RBM3: variants seen among roughly 807,000 people sequenced by gnomAD.
The protein encoded by RBM3 is RNA-binding protein 3.
RBM3 carries 3 observed loss-of-function variants against 12.0 expected under a neutral mutation model. That is an observed-to-expected ratio of 0.25 (90% CI 0.11 to 0.65). The LOEUF (loss-of-function observed/expected upper bound fraction) is 0.65. Ranked by LOEUF, RBM3 falls within the 30% of genes least tolerant of loss-of-function variation. The probability of loss-of-function intolerance (pLI) is 0.84; values close to 1 mark genes in which losing one functional copy is unlikely to be tolerated. For synonymous variants in RBM3, 58 were observed against 45.7 expected (o/e 1.27, Z -1.08); for missense variants, 108 against 134.5 (o/e 0.80, Z 0.97).
rs782655999 is a variant in RBM3, at chrX:48,577,022, C to G, written c.414-4C>G. 123 of 1,205,630 alleles carry G rather than the reference C, an allele frequency of 1.0e-4. No homozygotes were observed. The highest frequency in any genetic ancestry group is 1.4e-4 in the Non-Finnish European group (122 of 893,918). Reference sequence around the variant, plus strand: ...AACTTTTGTGTGTTTTTTTTCCCCCCCAGAAACCAGGGTGGTTATGACCGC... The same window carrying G: ...AACTTTTGTGTGTTTTTTTTCCCCCGCAGAAACCAGGGTGGTTATGACCGC... On this transcript the variant is annotated splice_region_variant and splice_polypyrimidine_tract_variant and intron_variant, in intron 5 of 6. Coordinates refer to ENST00000376759, the MANE Select transcript of RBM3 (RefSeq NM_006743.5).
Position 48,578,066 on chromosome X carries a change from G to A in RBM3, c.*625G>A, listed in dbSNP as rs1363259762. 4.6e-5 allele frequency: 5 copies of A among 109,239 alleles called. No individual in the cohort carries two copies. The highest frequency in any genetic ancestry group is 2.9e-4 in the East Asian group (1 of 3,487). The allele number at this position is 109,239 out of a possible 1,213,427, so 9.0% of individuals were successfully genotyped here. On this transcript the variant is annotated 3_prime_UTR_variant, in exon 7 of 7. Coordinates refer to ENST00000376759, the MANE Select transcript of RBM3 (RefSeq NM_006743.5). ...ACTGTACTCCAGCCTGGGCAACAGC[G>A]AGACTCCATCTCAAAAAAAAAGGAA... is the stretch of plus-strand genomic sequence containing the variant.
intron 5 of RBM3, 101 bp downstream of exon 5, chrX:48,576,705 T>C: frequency 1.8e-6 from 2 of 1,085,447 alleles, no homozygotes; most frequent in South Asian, 4.6e-5. Context: ...GTTACTAATG[T>C]GTACCTAAAA....
rs1556990194 is a variant in RBM3, at chrX:48,580,293, C to A, written c.*2852C>A. ...CCTCCTATCCCACCTAGGCAGAAAT[C>A]ACTTCAGATCCTTGCTTCCTAGTTT... is the stretch of plus-strand genomic sequence containing the variant. On this transcript the variant is annotated 3_prime_UTR_variant, in exon 7 of 7. Coordinates refer to ENST00000376759, the MANE Select transcript of RBM3 (RefSeq NM_006743.5). Among the ~76,000 whole-genome samples, 3 of 112,016 alleles carry A rather than the reference C, an allele frequency of 2.7e-5. No homozygotes were observed. Among genetic ancestry groups the A allele is most frequent in the Non-Finnish European group, 3.8e-5 (2 of 53,203 alleles).
chrX:48,577,186 C>T (rs2062084817), intron 6 of RBM3, 77 bp downstream of exon 6: 2 of 1,191,670 alleles, frequency 1.7e-6, no homozygotes, highest in Non-Finnish European at 2.3e-6. Flanking sequence ...TCTGGCAAGA[C>T]TGCTCTGCAT....
At chrX:48,576,268 C>A in intron 3 of RBM3, 46 bp from the exon 4 acceptor site, 1 of 1,183,329 alleles carries the variant, frequency 8.5e-7, no homozygotes, top group East Asian at 3.1e-5. Context: ...CTCACCATTG[C>A]CCTGACTGAC....
At chrX:48,576,200 C>T in intron 3 of RBM3, 114 bp from the exon 4 acceptor site, 1 of 1,167,623 alleles carries the variant, frequency 8.6e-7, no homozygotes, top group East Asian at 3.3e-5. Flanking sequence ...CACCCAGAAC[C>T]TGGTGCCCAG....
chrX:48,580,582 CAG>C lies in RBM3; in HGVS notation c.*3142_*3143del, dbSNP rs1434661126. On this transcript the variant is annotated 3_prime_UTR_variant, in exon 7 of 7. Coordinates refer to ENST00000376759, the MANE Select transcript of RBM3 (RefSeq NM_006743.5). ...CGGCTAATTTTTGTATTAATAGAGA[CAG>C]GGTTTCACCGTGTTGGGCAGGCTGG... 2.7e-5 allele frequency among the ~76,000 whole-genome samples: 3 copies of C among 111,379 alleles called. No individual in the cohort carries two copies. The highest frequency in any genetic ancestry group is 9.6e-5 in the Admixed American group (1 of 10,407).
In RBM3 at chrX:48,580,271, C is replaced by T. The variant is rs1239333111; in HGVS notation, c.*2830C>T. Among the ~76,000 whole-genome samples the T allele has an allele frequency of 1.8e-5, 2 of 112,051 alleles. No individual in the cohort carries two copies. Among genetic ancestry groups the T allele is most frequent in the South Asian group, 3.7e-4 (1 of 2,735 alleles). On this transcript the variant is annotated 3_prime_UTR_variant, in exon 7 of 7. Transcript: ENST00000376759. ...CTTTCAAGTCCTAAGCCCAACCCCT[C>T]CTATCCCACCTAGGCAGAAATCACT...
chrX:48,575,732 T>C (rs782436029), intron 3 of RBM3, 65 bp downstream of exon 3: 4 of 1,046,705 alleles, frequency 3.8e-6, no homozygotes, highest in Admixed American at 2.5e-5. Flanking sequence ...CTTTTTGTTT[T>C]TCCCTCTGTG....
In RBM3 at chrX:48,576,515, G is replaced by A. The variant is rs1556989279; in HGVS notation, c.324G>A (p.Gly108=). The part of the protein sequence containing the change: ...GRGRSYSRGG[G]DQGYGSGRYY... Reference sequence around the variant, plus strand: ...AATATTTTTCTGCTCTAGGTGGTGGGGACCAGGGCTATGGGAGTGGCAGGT... The same window carrying A: ...AATATTTTTCTGCTCTAGGTGGTGGAGACCAGGGCTATGGGAGTGGCAGGT... Residue 108 remains glycine (G), a synonymous_variant, in exon 5 of 7, where the codon GGG becomes GGA. Transcript: ENST00000376759. The A allele has an allele frequency of 1.7e-6, 2 of 1,195,976 alleles. No homozygotes were observed. The highest frequency in any genetic ancestry group is 3.0e-5 in the East Asian group (1 of 33,297).
chrX:48,577,114 G>A lies in RBM3; in HGVS notation c.*23+5G>A, dbSNP rs782387947. On this transcript the variant is annotated splice_donor_5th_base_variant and intron_variant, in intron 6 of 6. Transcript: ENST00000376759. ...TGAGACATGCACATAATATAGGTGAGACTTGGATATCGGCATTGAGTGAAC... is the reference window on the plus strand; with the variant it reads ...TGAGACATGCACATAATATAGGTGAAACTTGGATATCGGCATTGAGTGAAC... 3.3e-6 allele frequency: 4 copies of A among 1,210,351 alleles called. No homozygotes were observed. The highest frequency in any genetic ancestry group is 4.5e-6 in the Non-Finnish European group (4 of 895,122).
chrX:48,574,762 G>T (rs1556988812), intron 1 of RBM3, 189 bp downstream of exon 1: 1 of 333,915 alleles, frequency 3.0e-6, no homozygotes, highest in East Asian at 9.6e-5. Context: ...CGCTGTATCT[G>T]AGTGTGAGGC....
At chrX:48,574,933 C>T (rs2062073346) in intron 1 of RBM3, 2 of 439,002 alleles carry the variant, frequency 4.6e-6, no homozygotes, top group Admixed American at 3.0e-5. Flanking sequence ...ACGGGCGTGG[C>T]GGCTATGAAT....
At position 48,580,788 on chromosome X, in the gene RBM3, T is replaced by G. The variant is rs1210555717; in HGVS notation, c.*3347T>G. ...GTTCTGGATTGGGGAGTTGTGGGGG[T>G]GGAGGTGTAGAACTTTTAAAAAGCT... is the stretch of plus-strand genomic sequence containing the variant. On this transcript the variant is annotated 3_prime_UTR_variant, in exon 7 of 7. Transcript: ENST00000376759. The G allele has an allele frequency of 9.0e-6, 1 of 110,869 alleles. No individual in the cohort carries two copies. The highest frequency in any genetic ancestry group is 1.9e-5 in the Non-Finnish European group (1 of 52,937). The allele number at this position is 110,869 out of a possible 1,213,427, so 9.1% of individuals were successfully genotyped here.
chrX:48,578,556 G>A lies in RBM3; in HGVS notation c.*1115G>A, dbSNP rs1399629579. 1.3e-5 allele frequency: 1 copy of A among 74,974 alleles called. No individual in the cohort carries two copies. The highest frequency in any genetic ancestry group is 2.6e-5 in the Non-Finnish European group (1 of 39,077). 6.2% of individuals were successfully genotyped at this position (74,974 alleles called of 1,213,427 possible). On this transcript the variant is annotated 3_prime_UTR_variant, in exon 7 of 7. Transcript: ENST00000376759. ...CCACTGCACTCCAGCCTAGGTGACA[G>A]CAAGACTCTGTCTCAAAAAAAAAAA...
At chrX:48,575,054 G>A (rs2062074000) in intron 1 of RBM3, 114 bp from the exon 2 acceptor site, 3 of 549,327 alleles carry the variant, frequency 5.5e-6, no homozygotes, top group Admixed American at 3.0e-5. Flanking sequence ...CCCATATTTT[G>A]TTCCTCTTTC....
chrX:48,576,904 A>G (rs2062082886), intron 5 of RBM3, 122 bp from the exon 6 acceptor site: 2 of 892,071 alleles, frequency 2.2e-6, no homozygotes, highest in Non-Finnish European at 1.6e-6. Context: ...TGCTTAACAT[A>G]TCCTGTTTTT....
rs190745711 is a variant in RBM3, at chrX:48,579,276, C to T, written c.*1835C>T. On this transcript the variant is annotated 3_prime_UTR_variant, in exon 7 of 7. Coordinates refer to ENST00000376759, the MANE Select transcript of RBM3 (RefSeq NM_006743.5). Reference sequence around the variant, plus strand: ...ACCTGGCTAATACTGAGCTAAGTTACCACCAGGTTGCAAACTCCAGGACAT... The same window carrying T: ...ACCTGGCTAATACTGAGCTAAGTTATCACCAGGTTGCAAACTCCAGGACAT... Among the ~76,000 whole-genome samples, 26 of 112,041 alleles carry T rather than the reference C, an allele frequency of 2.3e-4. No individual in the cohort carries two copies. Among genetic ancestry groups the T allele is most frequent in the Non-Finnish European group, 4.3e-4 (23 of 53,180 alleles).
intron 3 of RBM3, chrX:48,576,022 C>T: frequency 1.0e-6 from 1 of 964,442 alleles, no homozygotes; most frequent in South Asian, 2.4e-5. Context: ...GTCTGTCTAG[C>T]CCTGATAGTC....
Sources: gnomAD v4.1 joint callset for allele counts (sites outside exome capture counted in the v4.1 genomes callset) on GRCh38, gnomAD v4.1.1 for gene constraint, MANE v1.5 for transcripts, NCBI Gene and HGNC (gene_info 2026-07-23, HGNC 2026-07-21) for gene names.